Variants in PEX1 observed in about 807,000 individuals in gnomAD.
The protein encoded by PEX1 is peroxisomal ATPase PEX1.
A neutral mutation model predicts 152.5 loss-of-function variants in PEX1; 97 were observed. That is an observed-to-expected ratio of 0.64 (90% CI 0.54 to 0.75). The LOEUF is 0.75. Among genes scored for constraint, PEX1 ranks in the 30% least tolerant of loss-of-function variants. The probability of loss-of-function intolerance (pLI) is 0.00; values close to 1 mark genes in which losing one functional copy is unlikely to be tolerated. For missense variants in PEX1, 1,357 were observed against 1,516.3 expected (o/e 0.89, Z 1.74); for synonymous variants, 485 against 531.6 (o/e 0.91, Z 1.21).
At position 92,493,082 on chromosome 7, in the gene PEX1, C is replaced by T; in HGVS notation, c.3078G>A (p.Leu1026=). 1 of 1,612,774 alleles carries T rather than the reference C, an allele frequency of 6.2e-7. No homozygotes were observed. Among genetic ancestry groups the T allele is most frequent in the Non-Finnish European group, 8.5e-7 (1 of 1,178,916 alleles). The change falls in exon 20 of 24, where the codon CTG becomes CTA. Residue 1026 remains leucine (L), a synonymous_variant. Transcript: ENST00000248633. ...CATGCTGAAGGTCAACATCATCTGCCAGAGGTAGAGAGTCACTGAGGACAT... is the reference window on the plus strand; with the variant it reads ...CATGCTGAAGGTCAACATCATCTGCTAGAGGTAGAGAGTCACTGAGGACAT... ...ILNVLSDSLP[L]ADDVDLQHVA...
chr7:92,521,381 C>T (rs1793041562), intron 2 of PEX1, among the ~76,000 whole-genome samples: 2 of 152,122 alleles, frequency 1.3e-5, no homozygotes. Flanking sequence ...ACATATTAAA[C>T]TCATAAGGGA....
At chr7:92,508,795 TAATC>T (rs942123730) in intron 9 of PEX1, among the ~76,000 whole-genome samples, 57 of 152,182 alleles carry the variant, frequency 3.7e-4, no homozygotes, top group African/African-American at 1.3e-3. Context: ...TAGCCCTACT[TAATC>T]AAAAGAGGAA....
intron 17 of PEX1, among the ~76,000 whole-genome samples, chr7:92,496,011 A>G (rs892817812): frequency 6.6e-6 from 1 of 152,062 alleles, no homozygotes; most frequent in Non-Finnish European, 1.5e-5. Flanking sequence ...ATTTTCCACT[A>G]TAACTTCTCT....
intron 1 of PEX1, among the ~76,000 whole-genome samples, chr7:92,528,081 G>T (rs530365080): frequency 9.2e-5 from 14 of 152,354 alleles, no homozygotes; most frequent in African/African-American, 3.4e-4. Context: ...ACGTTTCTAG[G>T]TTCAGTTTCA....
intron 1 of PEX1, among the ~76,000 whole-genome samples, chr7:92,525,648 A>C (rs1793232514): frequency 6.6e-6 from 1 of 152,340 alleles, no homozygotes; most frequent in African/African-American, 2.4e-5. Context: ...AACATCTTAA[A>C]ATGTACAGGA....
rs749347076 is a variant in PEX1 at position 92,517,439 on chromosome 7, T to C, written c.1076A>G (p.Lys359Arg). The change falls in exon 5 of 24, where the codon AAG becomes AGG. Residue 359 changes from lysine (K) to arginine (R), a missense_variant. Transcript: ENST00000248633. ...KQNVLSPEKE[K>R]QMSEPLDQKK... ...TTGATCTAGTGGCTCTGACATCTGC[T>C]TCTCTTTTTCAGGTGATAACACATT... is the stretch of plus-strand genomic sequence containing the variant. 6.2e-7 allele frequency: 1 copy of C among 1,614,016 alleles called. No homozygotes were observed.
rs1287437057 is a variant in PEX1 at position 92,501,899 on chromosome 7, T to C, written c.2407A>G (p.Thr803Ala). 1.2e-6 allele frequency: 2 copies of C among 1,613,380 alleles called. No homozygotes were observed. The highest frequency in any genetic ancestry group is 1.7e-5 in the Admixed American group (1 of 60,006). ...TAATAGTAAAACATACTTTCTCTGG[T>C]GGATATACTCTGACGAGAGAGTCGA... Reference protein sequence around the residue: ...HSRLSRQSISTREKLVLTTLD... With the variant: ...HSRLSRQSISAREKLVLTTLD... The change falls in exon 14 of 24, where the codon ACC (threonine) becomes GCC (alanine). Residue 803 changes from threonine to alanine, a missense_variant. Transcript: ENST00000248633.
chr7:92,489,450 G>C, intron 22 of PEX1, 27 bp from the exon 23 acceptor site: 1 of 1,603,948 alleles, frequency 6.2e-7, no homozygotes, highest in Non-Finnish European at 8.5e-7. Flanking sequence ...AATTGACGAA[G>C]AGTTAAATTA....
intron 5 of PEX1, among the ~76,000 whole-genome samples, chr7:92,514,920 G>C (rs10251910): frequency 0.076 from 11,539 of 151,480 alleles, 471 homozygotes; most frequent in Non-Finnish European, 0.086. Context: ...CGTGGTGGTG[G>C]GAGCCTGTAT....
Position 92,499,688 on chromosome 7 carries a change from T to A in PEX1, c.2718+16A>T, listed in dbSNP as rs1174972094. 1.9e-6 allele frequency: 3 copies of A among 1,599,634 alleles called. No homozygotes were observed. The highest frequency in any genetic ancestry group is 2.7e-5 in the African/African-American group (2 of 74,616). ...ATTTTACCTAAATAAAAAAAGAAGA[T>A]AAGTAGACAACATACCTTGACACTT... On this transcript the variant is annotated intron_variant, in intron 16 of 23. Transcript: ENST00000248633.
At chr7:92,512,802 T>A (rs911199641) in intron 6 of PEX1, among the ~76,000 whole-genome samples, 55 of 152,200 alleles carry the variant, frequency 3.6e-4, no homozygotes, top group East Asian at 5.8e-4. Flanking sequence ...ATTTTTTTTT[T>A]AATTTTTTTG....
intron 2 of PEX1, 119 bp from the exon 3 acceptor site, chr7:92,519,197 A>T: frequency 1.5e-6 from 1 of 669,474 alleles, no homozygotes; most frequent in Non-Finnish European, 2.7e-6. Context: ...TATGTTTTGG[A>T]TGGGGGTGTA....
In PEX1 at chr7:92,487,505, A is replaced by AT. The variant is rs1293931061; in HGVS notation, c.3803dup (p.Asn1268LysfsTer23). 14 of 1,594,678 alleles carry AT rather than the reference A, an allele frequency of 8.8e-6. No homozygotes were observed. The highest frequency in any genetic ancestry group is 4.5e-5 in the South Asian group (4 of 89,560). On this transcript the variant is annotated frameshift_variant, in exon 24 of 24. Transcript: ENST00000248633. LOFTEE classifies it high-confidence loss of function. ...CAGGTCGAAACATTGTTCCACTTTG[A>AT]TTTTTTCTCCTCTTTGGATTTTGAA...
intron 19 of PEX1, chr7:92,494,061 C>A: frequency 2.2e-6 from 1 of 454,570 alleles, no homozygotes; most frequent in Non-Finnish European, 4.0e-6. Flanking sequence ...ATTTTTTTTT[C>A]CCCAATCAGC....
At chr7:92,493,183 CTTAAA>C (rs1791449067) in intron 19 of PEX1, 54 bp from the exon 20 acceptor site, 13 of 993,262 alleles carry the variant, frequency 1.3e-5, no homozygotes, top group Non-Finnish European at 1.8e-5. Context: ...AAAATATTAT[CTTAAA>C]TTGTGTATCT....
chr7:92,521,155 T>C (rs1023948196), intron 2 of PEX1, among the ~76,000 whole-genome samples: 3 of 151,988 alleles, frequency 2.0e-5, no homozygotes, highest in Non-Finnish European at 4.4e-5. Flanking sequence ...AGAGATAGGG[T>C]CTTGCTATGT....
At position 92,509,110 on chromosome 7, in the gene PEX1, A is replaced by G. The variant is rs11767684; in HGVS notation, c.1670+219T>C. Among the ~76,000 whole-genome samples, 47,750 of 150,938 alleles carry G rather than the reference A, an allele frequency of 0.32. 9,886 individuals are homozygous for G. The highest frequency in any genetic ancestry group is 0.47 in the Non-Finnish European group (31,475 of 67,668). ...ACAAGGTTATCCCCTACCACCAGGGATGGATAAAAACATAAAAATAAAGAG... is the reference window on the plus strand; with the variant it reads ...ACAAGGTTATCCCCTACCACCAGGGGTGGATAAAAACATAAAAATAAAGAG... On this transcript the variant is annotated intron_variant, in intron 9 of 23. Transcript: ENST00000248633.
chr7:92,523,738 G>T (rs893068110), intron 1 of PEX1, among the ~76,000 whole-genome samples: 4 of 152,132 alleles, frequency 2.6e-5, no homozygotes, highest in Non-Finnish European at 4.4e-5. Context: ...AGCCGAGGTG[G>T]GAGGATCACT....
chr7:92,502,123 C>T (rs781192580), intron 13 of PEX1, 44 bp from the exon 14 acceptor site: 2 of 1,321,958 alleles, frequency 1.5e-6, no homozygotes, highest in Non-Finnish European at 2.2e-6. Context: ...TTGTATTCAA[C>T]TGTATATTTT....
Sources: gnomAD v4.1 joint callset for allele counts (sites outside exome capture counted in the v4.1 genomes callset) on GRCh38, gnomAD v4.1.1 for gene constraint, MANE v1.5 for transcripts, NCBI Gene and HGNC (gene_info 2026-07-23, HGNC 2026-07-21) for gene names.